The following MED24 variants were observed in gnomAD, a reference collection of about 807,000 sequenced individuals.
The protein encoded by MED24 is mediator complex subunit 24.
A neutral mutation model predicts 118.8 loss-of-function variants in MED24; 74 were observed. That is an observed-to-expected ratio of 0.62 (90% CI 0.52 to 0.76). The LOEUF (loss-of-function observed/expected upper bound fraction) is 0.76, where lower values mean the gene tolerates loss of function less well. MED24 is among the 30% of genes least tolerant of loss of function. The pLI, the probability that MED24 is intolerant of heterozygous loss-of-function variation, is 0.00. For synonymous variants in MED24, 521 were observed against 523.9 expected, an observed-to-expected ratio of 0.99 and a Z score of 0.08; for missense variants, 1,041 against 1,278.9, an observed-to-expected ratio of 0.81 and a Z score of 2.84.
chr17:40,027,171 G>C (rs1982767882), intron 16 of MED24, 137 bp from the exon 17 acceptor site: 2 of 1,216,800 alleles, frequency 1.6e-6, no homozygotes, highest in African/African-American at 3.1e-5. Flanking sequence ...TGGTCTAAGG[G>C]AGCCAGACGG....
At chr17:40,049,808 G>C (rs1409814420) in intron 3 of MED24, among the ~76,000 whole-genome samples, 1 of 151,692 alleles carries the variant, frequency 6.6e-6, no homozygotes, top group African/African-American at 2.4e-5. Context: ...TAAGGCGTGA[G>C]CCACCACACC....
Position 40,033,168 on chromosome 17 carries a change from T to A in MED24, c.710A>T (p.His237Leu), listed in dbSNP as rs1241429019. Residue 237 changes from histidine to leucine, a missense_variant, in exon 8 of 26, where the codon CAC becomes CTC. By Grantham distance (99) the His-to-Leu change is moderately conservative. Coordinates refer to ENST00000394128, the MANE Select transcript of MED24 (RefSeq NM_014815.4). This position sits in a 1 kb window ranked among gnomAD's most constrained non-coding sequence, Gnocchi z 5.2. ...TMLSVHAEQM[H>L]KTGFPTVHAV... is the part of the protein sequence containing the mutation. Reference sequence around the variant, plus strand: ...GTGGACAGTGGGGAAGCCGGTCTTGTGCATCTGCTCCGCATGCACAGACAG... The same window carrying A: ...GTGGACAGTGGGGAAGCCGGTCTTGAGCATCTGCTCCGCATGCACAGACAG... The A allele has an allele frequency of 6.2e-7, 1 of 1,614,096 alleles. No homozygotes were observed.
chr17:40,023,939 C>T (rs1982347731), intron 19 of MED24, among the ~76,000 whole-genome samples: 1 of 152,126 alleles, frequency 6.6e-6, no homozygotes, highest in South Asian at 2.1e-4. Context: ...AGACCCGGGC[C>T]GAGTGCTGAC....
chr17:40,044,497 G>A (rs1406843673), intron 3 of MED24, among the ~76,000 whole-genome samples: 7 of 151,582 alleles, frequency 4.6e-5, no homozygotes, highest in African/African-American at 7.3e-5. Flanking sequence ...TCCAGCCTGG[G>A]CGACAGAGGG....
intron 12 of MED24, among the ~76,000 whole-genome samples, chr17:40,030,845 CAT>C (rs909170103): frequency 6.6e-6 from 1 of 151,646 alleles, no homozygotes; most frequent in Non-Finnish European, 1.5e-5. Context: ...TTTTAGTAGA[CAT>C]GGGGTTTTGC....
At chr17:40,048,602 G>A (rs180779459) in intron 3 of MED24, among the ~76,000 whole-genome samples, 73 of 152,242 alleles carry the variant, frequency 4.8e-4, no homozygotes, top group African/African-American at 1.5e-3. Flanking sequence ...CACCCAGGGT[G>A]GAGTTCAGTG....
chr17:40,052,859 C>T (rs1178522222), intron 3 of MED24, among the ~76,000 whole-genome samples: 1 of 152,188 alleles, frequency 6.6e-6, no homozygotes, highest in Admixed American at 6.5e-5. Context: ...TCTGTTCAAA[C>T]AGATCAATCT....
intron 19 of MED24, among the ~76,000 whole-genome samples, chr17:40,025,031 C>T (rs182798774): frequency 7.2e-5 from 11 of 152,268 alleles, no homozygotes; most frequent in Admixed American, 6.5e-4. Flanking sequence ...CCACCACGCC[C>T]GGCCCACAAC....
chr17:40,022,155 C>A, intron 22 of MED24, 101 bp from the exon 23 acceptor site: 1 of 998,154 alleles, frequency 1.0e-6, no homozygotes, highest in Non-Finnish European at 1.5e-6. Flanking sequence ...GTCAGCATGG[C>A]TAGCAGGGCC....
At chr17:40,045,220 G>A (rs1050669948) in intron 3 of MED24, among the ~76,000 whole-genome samples, 1 of 152,012 alleles carries the variant, frequency 6.6e-6, no homozygotes, top group Non-Finnish European at 1.5e-5. Flanking sequence ...AGGCCGAGGC[G>A]GGCAGATCAC....
chr17:40,041,642 C>T (rs1226302995), intron 3 of MED24, among the ~76,000 whole-genome samples: 1 of 152,204 alleles, frequency 6.6e-6, no homozygotes, highest in East Asian at 1.9e-4. Context: ...CAACCCTACT[C>T]TGCTCTTCCA....
Position 40,027,807 on chromosome 17 carries a change from G to A in MED24, c.1447+102C>T, listed in dbSNP as rs8071877. ...GTCATGGCTCTGAGGAGGGAGCACA[G>A]CCTCCCCCTGTTGAGCTGGGGAGCC... On this transcript the variant is annotated intron_variant, in intron 15 of 25. Coordinates refer to ENST00000394128, the MANE Select transcript of MED24 (RefSeq NM_014815.4). The A allele has an allele frequency of 1.3e-3, 1,650 of 1,282,100 alleles. 13 individuals carry two copies. In the African/African-American group the frequency reaches 0.021, roughly 16 times the overall value. The allele number at this position is 1,282,100 out of a possible 1,614,324, so 79.4% of individuals were successfully genotyped here.
Position 40,028,992 on chromosome 17 carries a change from G to A in MED24, c.1267-24C>T, listed in dbSNP as rs369508033. 8 of 1,613,996 alleles carry A rather than the reference G, an allele frequency of 5.0e-6. No homozygotes were observed. The African/African-American group carries it at 6.7e-5, about 13-fold the overall frequency. ...GTCTGGGGACAGGACAGGAAATCAAGTCCTGAAGAACACTGAAGACCCCCC... is the reference window on the plus strand; with the variant it reads ...GTCTGGGGACAGGACAGGAAATCAAATCCTGAAGAACACTGAAGACCCCCC... On this transcript the variant is annotated intron_variant, in intron 13 of 25. Transcript: ENST00000394128.
Position 40,019,556 on chromosome 17 carries a change from C to T in MED24, c.2943G>A (p.Val981=), listed in dbSNP as rs764138988. The part of the protein sequence containing the change: ...TDLSLPLGRQ[V]AAKAIAAL The stretch of plus-strand genomic sequence containing the variant: ...AGAGTGCAGCAATGGCTTTAGCAGC[C>T]ACCTGGCGGCCCAGGGGCAGGCTGA... Residue 981 remains valine, a synonymous_variant, in exon 26 of 26, where the codon GTG becomes GTA. Coordinates refer to ENST00000394128, the MANE Select transcript of MED24 (RefSeq NM_014815.4). 3 of 1,612,514 alleles carry T rather than the reference C, an allele frequency of 1.9e-6. No homozygotes were observed. The highest frequency in any genetic ancestry group is 2.2e-5 in the South Asian group (2 of 90,964).
In MED24 at chr17:40,019,563, C is replaced by G. The variant is rs761984159; in HGVS notation, c.2936G>C (p.Arg979Pro). The part of the protein sequence containing the change: ...AITDLSLPLG[R>P]QVAAKAIAAL ...AGCAATGGCTTTAGCAGCCACCTGG[C>G]GGCCCAGGGGCAGGCTGAGGTCCGT... is the stretch of plus-strand genomic sequence containing the variant. Residue 979 changes from arginine (R) to proline (P), a missense_variant, in exon 26 of 26, where the codon CGC (arginine) becomes CCC (proline). This residue lies in a region of MED24 where 587 missense variants were observed against 694.4 expected (regional missense o/e 0.85). Transcript: ENST00000394128. 33 of 1,612,326 alleles carry G rather than the reference C, an allele frequency of 2.0e-5. No individual in the cohort carries two copies. Among genetic ancestry groups the G allele is most frequent in the Non-Finnish European group, 2.7e-5 (32 of 1,179,538 alleles).
Position 40,023,176 on chromosome 17 carries a change from C to T in MED24, c.2205G>A (p.Leu735=). 1 of 1,614,160 alleles carries T rather than the reference C, an allele frequency of 6.2e-7. No homozygotes were observed. The highest frequency in any genetic ancestry group is 1.1e-5 in the South Asian group (1 of 91,084). The change falls in exon 20 of 26, where the codon CTG becomes CTA. Residue 735 remains leucine (L), a synonymous_variant. Coordinates refer to ENST00000394128, the MANE Select transcript of MED24 (RefSeq NM_014815.4). ...DSRSIHIFDT[L]LHMGGVYWFC... ...ACCAGTAGACGCCGCCCATGTGCAG[C>T]AGGGTGTCAAAGATGTGGATGGAGC...
chr17:40,021,555 C>T lies in MED24; in HGVS notation c.2623+400G>A, dbSNP rs189000263. ...TGGGGAGTAGCCCCATGCCCCAGCC[C>T]GGGCCTCTCCGGGCATGTTTTGGGG... On this transcript the variant is annotated intron_variant, in intron 23 of 25. Transcript: ENST00000394128. 2.5e-4 allele frequency: 40 copies of T among 162,072 alleles called. No homozygotes were observed. The East Asian group carries it at 5.4e-3, about 22-fold the overall frequency. 10.0% of individuals were successfully genotyped at this position (162,072 alleles called of 1,614,324 possible). A position where few individuals can be genotyped will look rare whatever the true frequency, so the allele number is the denominator to read the frequency against.
Position 40,033,585 on chromosome 17 carries a change from A to G in MED24, c.560-129T>C, listed in dbSNP as rs2144914205. ...ACACAGGAAGGCTTCCCCTGAGGACAACAGGGAGGGAGGGGCCTGAGGGCA... is the reference window on the plus strand; with the variant it reads ...ACACAGGAAGGCTTCCCCTGAGGACGACAGGGAGGGAGGGGCCTGAGGGCA... On this transcript the variant is annotated intron_variant, in intron 6 of 25. Transcript: ENST00000394128. This position sits in a 1 kb window ranked among gnomAD's most constrained non-coding sequence, Gnocchi z 5.2. 2.6e-6 allele frequency: 2 copies of G among 774,524 alleles called. No individual in the cohort carries two copies. The highest frequency in any genetic ancestry group is 1.7e-5 in the African/African-American group (1 of 58,604). The allele number at this position is 774,524 out of a possible 1,614,324, so 48.0% of individuals were successfully genotyped here.
chr17:40,023,506 CCT>C, intron 19 of MED24, 111 bp from the exon 20 acceptor site: 1 of 1,134,212 alleles, frequency 8.8e-7, no homozygotes, highest in Non-Finnish European at 1.2e-6. Context: ...CGGAAATCTC[CCT>C]GAGGCATTAA....
Sources: gnomAD v4.1 joint callset for allele counts (sites outside exome capture counted in the v4.1 genomes callset) on GRCh38, gnomAD v4.1.1 for gene constraint, gnomAD v4.1.1 regional missense constraint, Gnocchi (gnomAD v3.1) non-coding constraint, MANE v1.5 for transcripts, NCBI Gene and HGNC (gene_info 2026-07-23, HGNC 2026-07-21) for gene names.